Variants in ZNF280C observed in about 807,000 individuals in gnomAD.
ZNF280C encodes zinc finger protein 280C, also known as suppressor of hairy wing homolog 3.
A neutral mutation model predicts 53.6 loss-of-function variants in ZNF280C; 14 were observed. That is an observed-to-expected ratio of 0.26 (90% confidence interval 0.17 to 0.41). The LOEUF (loss-of-function observed/expected upper bound fraction) is 0.41. ZNF280C is among the 10% of genes least tolerant of loss of function. ZNF280C has a pLI of 1.00. For missense variants in ZNF280C, 416 were observed against 547.1 expected (o/e 0.76, Z 2.39); for synonymous variants, 203 against 181.1 (o/e 1.12, Z -0.97).
intron 2 of ZNF280C, among the ~76,000 whole-genome samples, chrX:130,251,301 A>AAAAAAAAAAAAAAAAAAAAAAAC (rs2032506474): frequency 9.7e-6 from 1 of 102,960 alleles, no homozygotes; most frequent in Non-Finnish European, 2.0e-5. Flanking sequence ...AAAAAAAAAA[A>AAAAAAAAAAAAAAAAAAAAAAAC]AAAAAAGACC....
chrX:130,224,808 T>C (rs1307815226), intron 12 of ZNF280C, among the ~76,000 whole-genome samples: 2 of 111,847 alleles, frequency 1.8e-5, no homozygotes, highest in South Asian at 7.4e-4. Context: ...CTCCTCCCAC[T>C]GCAAGAAAAG....
intron 3 of ZNF280C, among the ~76,000 whole-genome samples, chrX:130,244,849 C>T (rs1287000250): frequency 3.7e-5 from 4 of 107,301 alleles, no homozygotes; most frequent in African/African-American, 1.4e-4. Flanking sequence ...AGTGAAGGGT[C>T]ACACCAAAGT....
At chrX:130,230,408 T>G in intron 9 of ZNF280C, 102 bp downstream of exon 9, 1 of 497,372 alleles carries the variant, frequency 2.0e-6, no homozygotes, top group Non-Finnish European at 3.2e-6. Flanking sequence ...GTAGAAAGTA[T>G]TAGAATTAAT....
In ZNF280C at chrX:130,205,226, C is replaced by CA. The variant is rs2031959396; in HGVS notation, c.2161+70dup. On this transcript the variant is annotated intron_variant, in intron 17 of 18. Transcript: ENST00000370978. ...AGACTATCAATTTAATACATGGGTCCATATGGTGTCCGATCAAAAGTACTG... is the reference window on the plus strand; with the variant it reads ...AGACTATCAATTTAATACATGGGTCCAATATGGTGTCCGATCAAAAGTACTG... 2.8e-6 allele frequency: 3 copies of CA among 1,087,727 alleles called. No homozygotes were observed. The Admixed American group carries it at 6.9e-5, about 25-fold the overall frequency. The allele number at this position is 1,087,727 out of a possible 1,213,427, so 89.6% of individuals were successfully genotyped here.
At chrX:130,240,077 T>G (rs2032373680) in intron 5 of ZNF280C, among the ~76,000 whole-genome samples, 1 of 111,675 alleles carries the variant, frequency 9.0e-6, no homozygotes, top group South Asian at 3.6e-4. Context: ...TCTAAGAATC[T>G]ATGCTAAAGA....
chrX:130,235,636 T>C (rs1337070055), intron 8 of ZNF280C, among the ~76,000 whole-genome samples: 1 of 112,696 alleles, frequency 8.9e-6, no homozygotes, highest in Non-Finnish European at 1.9e-5. Flanking sequence ...TGTGATATTT[T>C]AAGTGCACAG....
At chrX:130,211,211 A>G (rs773971152) in intron 15 of ZNF280C, among the ~76,000 whole-genome samples, 1 of 112,521 alleles carries the variant, frequency 8.9e-6, no homozygotes, top group East Asian at 2.8e-4. Flanking sequence ...GGTAATAGAG[A>G]CACATGTGAG....
intron 12 of ZNF280C, among the ~76,000 whole-genome samples, chrX:130,225,665 T>A (rs371343442): frequency 2.1e-3 from 179 of 83,382 alleles, no homozygotes; most frequent in African/African-American, 3.3e-3. Flanking sequence ...CCTACCAGGA[T>A]AAAAAAAAAA....
intron 13 of ZNF280C, among the ~76,000 whole-genome samples, chrX:130,217,442 G>T (rs916507527): frequency 2.7e-5 from 3 of 112,245 alleles, no homozygotes; most frequent in Non-Finnish European, 5.6e-5. Context: ...CAGGTCTAAT[G>T]GAGGGGAAAT....
chrX:130,249,936 T>C lies in ZNF280C; in HGVS notation c.32-2931A>G, dbSNP rs190999707. 8.5e-3 allele frequency among the ~76,000 whole-genome samples: 952 copies of C among 111,798 alleles called. 12 individuals are homozygous for C. Among genetic ancestry groups the C allele is most frequent in the African/African-American group, 0.029 (895 of 30,788 alleles). On this transcript the variant is annotated intron_variant, in intron 2 of 18. Transcript: ENST00000370978. The stretch of plus-strand genomic sequence containing the variant: ...CATAGTAAAACAATACAGGAGCTGA[T>C]AGACAAAATAGCCAGTATAGAAAAG...
chrX:130,261,733 G>A (rs2032632208), intron 1 of ZNF280C, among the ~76,000 whole-genome samples: 1 of 112,013 alleles, frequency 8.9e-6, no homozygotes, highest in African/African-American at 3.2e-5. Flanking sequence ...TCAACATTAA[G>A]GATCTATTGC....
Position 130,220,340 on chromosome X carries a change from C to A in ZNF280C, c.1527+9G>T. 9.0e-7 allele frequency: 1 copy of A among 1,114,920 alleles called. No individual in the cohort carries two copies. Among genetic ancestry groups the A allele is most frequent in the Non-Finnish European group, 1.2e-6 (1 of 847,856 alleles). 91.9% of individuals were successfully genotyped at this position (1,114,920 alleles called of 1,213,427 possible). A position where few individuals can be genotyped will look rare whatever the true frequency, so the allele number is the denominator to read the frequency against. ...CAAAAAACCACCAAAAACTCCCTCACAAACTCACTTTTGCTCCAGGAGGCA... is the reference window on the plus strand; with the variant it reads ...CAAAAAACCACCAAAAACTCCCTCAAAAACTCACTTTTGCTCCAGGAGGCA... On this transcript the variant is annotated intron_variant, in intron 13 of 18. Coordinates refer to ENST00000370978, the MANE Select transcript of ZNF280C (RefSeq NM_017666.5).
chrX:130,245,631 T>C (rs1199790397), intron 3 of ZNF280C, among the ~76,000 whole-genome samples: 2 of 111,632 alleles, frequency 1.8e-5, no homozygotes, highest in Non-Finnish European at 3.8e-5. Flanking sequence ...CTATTACTCA[T>C]TGCCATGGTA....
At chrX:130,261,368 G>C (rs1055758569) in intron 1 of ZNF280C, among the ~76,000 whole-genome samples, 1 of 112,013 alleles carries the variant, frequency 8.9e-6, no homozygotes, top group Non-Finnish European at 1.9e-5. Flanking sequence ...AAACAAAAAA[G>C]GTAAAAATCA....
At chrX:130,220,591 C>T (rs147564436) in intron 12 of ZNF280C, 111 bp from the exon 13 acceptor site, 7,522 of 718,001 alleles carry the variant, frequency 0.01, 46 homozygotes, top group Non-Finnish European at 0.013. Flanking sequence ...ATTTTACCAT[C>T]TCCCACCACA....
chrX:130,262,500 A>G (rs757827884), intron 1 of ZNF280C, among the ~76,000 whole-genome samples: 1 of 112,219 alleles, frequency 8.9e-6, no homozygotes, highest in East Asian at 2.8e-4. Flanking sequence ...AAAACCCCTA[A>G]AGTCACCACA....
chrX:130,220,589 A>G, intron 12 of ZNF280C, 109 bp from the exon 13 acceptor site: 1 of 726,716 alleles, frequency 1.4e-6, no homozygotes, highest in Non-Finnish European at 1.9e-6. Flanking sequence ...GAATTTTACC[A>G]TCTCCCACCA....
chrX:130,231,823 G>A (rs75545205), intron 8 of ZNF280C, among the ~76,000 whole-genome samples: 2 of 110,479 alleles, frequency 1.8e-5, no homozygotes, highest in African/African-American at 3.3e-5. Context: ...TCAGGAGTTC[G>A]AGACCAGCCT....
At chrX:130,220,315 C>A in intron 13 of ZNF280C, 34 bp downstream of exon 13, 1 of 1,086,015 alleles carries the variant, frequency 9.2e-7, no homozygotes, top group East Asian at 3.3e-5. Context: ...ATAGAATGTG[C>A]AAAAAACCAC....
Sources: allele counts gnomAD v4.1 joint callset (sites outside exome capture counted in the v4.1 genomes callset), GRCh38; gene constraint gnomAD v4.1.1; transcripts MANE v1.5; gene names NCBI Gene and HGNC (gene_info 2026-07-23, HGNC 2026-07-21).